Variants in INTS10 observed in about 807,000 individuals in gnomAD.
The protein encoded by INTS10 is chromosome 8 open reading frame 35.
In INTS10, 44 loss-of-function variants were observed where a neutral mutation model predicts 94.4. The ratio of observed to expected loss-of-function variants is 0.47; its 90% CI spans 0.37 to 0.60. The LOEUF (loss-of-function observed/expected upper bound fraction) is 0.60, where lower values mean the gene tolerates loss of function less well. INTS10 is among the 20% of genes least tolerant of loss of function. The probability of loss-of-function intolerance (pLI) is 0.00; values close to 1 mark genes in which losing one functional copy is unlikely to be tolerated. For missense variants in INTS10, 797 were observed against 868.7 expected (o/e 0.92, Z 1.04); for synonymous variants, 341 against 320.7 (o/e 1.06, Z -0.68).
chr8:19,837,333 T>G, intron 13 of INTS10, 173 bp downstream of exon 13: 1 of 576,672 alleles, frequency 1.7e-6, no homozygotes, highest in Non-Finnish European at 3.1e-6. Context: ...CTTAAAAAAT[T>G]TTAAAAAGAA....
At position 19,851,596 on chromosome 8, in the gene INTS10, C is replaced by T. The variant is rs953186009; in HGVS notation, c.1977-53C>T. ...TTCCTACCCAAGTAGCAGCGATCAG[C>T]GATGCTGGTGCTAACCCCTGGTCTT... is the stretch of plus-strand genomic sequence containing the variant. On this transcript the variant is annotated intron_variant, in intron 16 of 16. Transcript: ENST00000397977. The surrounding 1 kb of genome is among the most constrained non-coding windows in gnomAD (Gnocchi z 5.0). 3.0e-5 allele frequency: 47 copies of T among 1,558,836 alleles called. No homozygotes were observed. Among genetic ancestry groups the T allele is most frequent in the South Asian group, 1.2e-4 (11 of 89,432 alleles).
rs115930714 is a variant in INTS10 at position 19,838,091 on chromosome 8, C to G, written c.1639+931C>G. On this transcript the variant is annotated intron_variant, in intron 13 of 16. Transcript: ENST00000397977. ...GAATGTTCTGCCAGGAACAGTAGCT[C>G]ATGCCTGTAATCCCAGCATTTTGGG... is the stretch of plus-strand genomic sequence containing the variant. Among the ~76,000 whole-genome samples the G allele has an allele frequency of 2.6e-3, 403 of 152,300 alleles. 3 individuals carry two copies. The highest frequency in any genetic ancestry group is 8.8e-3 in the African/African-American group (367 of 41,578).
At chr8:19,835,586 G>A (rs1055228795) in intron 12 of INTS10, among the ~76,000 whole-genome samples, 3 of 152,350 alleles carry the variant, frequency 2.0e-5, no homozygotes, top group African/African-American at 7.2e-5. Context: ...CTGGAGATGG[G>A]CATCGAAGGA....
At chr8:19,825,306 A>C (rs1468242143) in intron 8 of INTS10, among the ~76,000 whole-genome samples, 1 of 152,170 alleles carries the variant, frequency 6.6e-6, no homozygotes, top group African/African-American at 2.4e-5. Context: ...CCGGTGAATC[A>C]CTTGAGGTCA....
chr8:19,836,087 A>T (rs2067638751), intron 12 of INTS10, among the ~76,000 whole-genome samples: 1 of 152,104 alleles, frequency 6.6e-6, no homozygotes, highest in South Asian at 2.1e-4. Context: ...AGGTGCAGCA[A>T]ACCACCAAGG....
At chr8:19,842,339 T>C (rs2128803026) in intron 13 of INTS10, among the ~76,000 whole-genome samples, 1 of 152,288 alleles carries the variant, frequency 6.6e-6, no homozygotes, top group African/African-American at 2.4e-5. Context: ...ACCATTTATA[T>C]AGTAGACTGA....
In INTS10 at chr8:19,843,475, C is replaced by T. The variant is rs903852768; in HGVS notation, c.1719+548C>T. On this transcript the variant is annotated intron_variant, in intron 14 of 16. Coordinates refer to ENST00000397977, the MANE Select transcript of INTS10 (RefSeq NM_018142.4). This position sits in a 1 kb window ranked among gnomAD's most constrained non-coding sequence, Gnocchi z 4.7. The stretch of plus-strand genomic sequence containing the variant: ...GCCAGAGAGTAAAACATTGGGTCTC[C>T]ACTTCAGTGCAGTAACTCCCACTTA... Among the ~76,000 whole-genome samples the T allele has an allele frequency of 6.6e-6, 1 of 152,204 alleles. No individual in the cohort carries two copies. The highest frequency in any genetic ancestry group is 1.5e-5 in the Non-Finnish European group (1 of 68,040).
chr8:19,819,530 T>C lies in INTS10; in HGVS notation c.198-43T>C, dbSNP rs756216434. 19 of 1,483,536 alleles carry C rather than the reference T, an allele frequency of 1.3e-5. No homozygotes were observed. In the East Asian group the frequency reaches 4.2e-4, roughly 33 times the overall value. 91.9% of individuals were successfully genotyped at this position (1,483,536 alleles called of 1,614,324 possible). ...AACGTTTTTTCTTTTGGATACTGTA[T>C]AGACTTTGACATTTTAATTTAATGT... On this transcript the variant is annotated intron_variant, in intron 2 of 16. Transcript: ENST00000397977.
chr8:19,825,226 T>A (rs532712325), intron 8 of INTS10, among the ~76,000 whole-genome samples: 8 of 152,210 alleles, frequency 5.3e-5, no homozygotes, highest in Admixed American at 1.3e-4. Flanking sequence ...CAAATGCCAC[T>A]ATTTTGAAAA....
intron 2 of INTS10, among the ~76,000 whole-genome samples, chr8:19,819,314 C>T (rs1368255525): frequency 6.6e-6 from 1 of 151,928 alleles, no homozygotes; most frequent in Non-Finnish European, 1.5e-5. Flanking sequence ...TTGTTTTATT[C>T]TTGTTGACTT....
At position 19,843,079 on chromosome 8, in the gene INTS10, C is replaced by G; in HGVS notation, c.1719+152C>G. The G allele has an allele frequency of 5.0e-6, 3 of 603,120 alleles. No individual in the cohort carries two copies. The South Asian group carries it at 6.2e-5, about 13-fold the overall frequency. The allele number at this position is 603,120 out of a possible 1,614,324, so 37.4% of individuals were successfully genotyped here. A position where few individuals can be genotyped will look rare whatever the true frequency, so the allele number is the denominator to read the frequency against. On this transcript the variant is annotated intron_variant, in intron 14 of 16. Transcript: ENST00000397977. The surrounding 1 kb of genome is among the most constrained non-coding windows in gnomAD (Gnocchi z 4.7). The stretch of plus-strand genomic sequence containing the variant: ...GAAAAGCACATGGGCTACTAATTAA[C>G]AAATCTATATTAAATAATGACTGCG...
intron 12 of INTS10, among the ~76,000 whole-genome samples, chr8:19,835,832 G>A (rs985210051): frequency 6.6e-6 from 1 of 152,174 alleles, no homozygotes; most frequent in African/African-American, 2.4e-5. Flanking sequence ...GCCACCCAAG[G>A]TCAATTGCTG....
chr8:19,837,088 A>C lies in INTS10; in HGVS notation c.1567A>C (p.Met523Leu), dbSNP rs758119623. 1 of 1,613,896 alleles carries C rather than the reference A, an allele frequency of 6.2e-7. No individual in the cohort carries two copies. Among genetic ancestry groups the C allele is most frequent in the South Asian group, 1.1e-5 (1 of 91,080 alleles). ...AAAAGTCCTTGATTTGATGTGCTAC[A>C]TGGTACTCCCCATTCAAGATGGAGG... ...CEKVLDLMCY[M>L]VLPIQDGGKS... The change falls in exon 13 of 17, where the codon ATG (methionine) becomes CTG (leucine). Residue 523 changes from methionine (M) to leucine (L), a missense_variant. Transcript: ENST00000397977.
At chr8:19,819,369 A>G (rs1315264321) in intron 2 of INTS10, among the ~76,000 whole-genome samples, 1 of 152,202 alleles carries the variant, frequency 6.6e-6, no homozygotes, top group Non-Finnish European at 1.5e-5. Flanking sequence ...TTTCACCTAT[A>G]AAACCCACTA....
chr8:19,831,126 G>A (rs909618867), intron 10 of INTS10, among the ~76,000 whole-genome samples: 2 of 152,300 alleles, frequency 1.3e-5, no homozygotes, highest in South Asian at 2.1e-4. Flanking sequence ...ACTACACTTT[G>A]GAATCGGGGC....
At chr8:19,835,082 T>C (rs1354404934) in intron 12 of INTS10, among the ~76,000 whole-genome samples, 2 of 152,228 alleles carry the variant, frequency 1.3e-5, no homozygotes, top group African/African-American at 4.8e-5. Context: ...CAGACCATAG[T>C]ACTGGCCCTT....
chr8:19,817,972 C>T (rs1563316276), intron 1 of INTS10, among the ~76,000 whole-genome samples: 1 of 152,188 alleles, frequency 6.6e-6, no homozygotes, highest in Non-Finnish European at 1.5e-5. Flanking sequence ...CTAGACAGCA[C>T]ATGATCGCCA....
At chr8:19,837,390 C>A (rs2067748490) in intron 13 of INTS10, 1 of 476,402 alleles carries the variant, frequency 2.1e-6, no homozygotes, top group Non-Finnish European at 3.8e-6. Flanking sequence ...TTTTACAGTT[C>A]CTAATGAGAT....
chr8:19,820,754 T>G (rs1199345454), intron 4 of INTS10, among the ~76,000 whole-genome samples: 4 of 152,232 alleles, frequency 2.6e-5, no homozygotes, highest in Admixed American at 2.6e-4. Context: ...CAGTACTGTT[T>G]ATTGCAATCC....
Sources: allele counts gnomAD v4.1 joint callset (sites outside exome capture counted in the v4.1 genomes callset), GRCh38; gene constraint gnomAD v4.1.1; non-coding constraint Gnocchi (gnomAD v3.1); transcripts MANE v1.5; gene names NCBI Gene and HGNC (gene_info 2026-07-23, HGNC 2026-07-21).